The following ZHX2 variants were observed in gnomAD, a reference collection of about 807,000 sequenced individuals.
ZHX2 encodes zinc fingers and homeoboxes 2.
ZHX2 carries 6 observed loss-of-function variants against 21.9 expected under a neutral mutation model. That is an observed-to-expected ratio of 0.27 (90% confidence interval 0.15 to 0.54). The LOEUF is 0.54. Among genes scored for constraint, ZHX2 ranks in the 20% least tolerant of loss-of-function variants. ZHX2 has a pLI of 0.95. For missense variants in ZHX2, 908 were observed against 1,090.7 expected (o/e 0.83, Z 2.36); for synonymous variants, 434 against 437.1 (o/e 0.99, Z 0.09).
chr8:122,835,624 G>A (rs1009373851), intron 1 of ZHX2, among the ~76,000 whole-genome samples: 1 of 152,186 alleles, frequency 6.6e-6, no homozygotes, highest in Non-Finnish European at 1.5e-5. Context: ...AAGAGGTAAG[G>A]GCTGGGAGGG....
At chr8:122,859,369 T>A (rs1165492737) in intron 1 of ZHX2, among the ~76,000 whole-genome samples, 2 of 152,190 alleles carry the variant, frequency 1.3e-5, no homozygotes, top group African/African-American at 4.8e-5. Flanking sequence ...TTGAGGATAA[T>A]AATGGGTATT....
At chr8:122,845,947 C>A (rs1342375407) in intron 1 of ZHX2, among the ~76,000 whole-genome samples, 1 of 152,168 alleles carries the variant, frequency 6.6e-6, no homozygotes, top group African/African-American at 2.4e-5. Context: ...GAGAGCGCTG[C>A]GACCTGATCC....
In ZHX2 at chr8:122,847,022, ATGT is replaced by A. The variant is rs768761590; in HGVS notation, c.-282-16447_-282-16445del. ...GGGCCTGCAATATGAATGTTAGCTG[ATGT>A]TGTTGTTATTGCGATTAGCCTCCAG... On this transcript the variant is annotated intron_variant, in intron 1 of 3. Coordinates refer to ENST00000314393, the MANE Select transcript of ZHX2 (RefSeq NM_014943.5). 8.5e-5 allele frequency among the ~76,000 whole-genome samples: 13 copies of A among 152,248 alleles called. No individual in the cohort carries two copies. In the East Asian group the frequency reaches 1.2e-3, roughly 14 times the overall value.
chr8:122,820,115 A>AT (rs369915130), intron 1 of ZHX2, among the ~76,000 whole-genome samples: 3 of 151,450 alleles, frequency 2.0e-5, no homozygotes, highest in Non-Finnish European at 2.9e-5. Flanking sequence ...GCAAGAATAC[A>AT]TTTTTTTTTC....
intron 2 of ZHX2, among the ~76,000 whole-genome samples, chr8:122,902,894 T>C (rs551217563): frequency 6.6e-6 from 1 of 152,294 alleles, no homozygotes; most frequent in African/African-American, 2.4e-5. Context: ...TTTGGGTCAG[T>C]TCCCTAACTG....
chr8:122,946,991 C>A (rs183817836), intron 2 of ZHX2, among the ~76,000 whole-genome samples: 1 of 150,492 alleles, frequency 6.6e-6, no homozygotes, highest in Admixed American at 6.7e-5. Flanking sequence ...TGTGGTGGCT[C>A]ACACCTGTAA....
At position 122,828,755 on chromosome 8, in the gene ZHX2, G is replaced by T. The variant is rs1586591709; in HGVS notation, c.-282-34722G>T. Among the ~76,000 whole-genome samples the T allele has an allele frequency of 3.9e-5, 6 of 152,304 alleles. No individual in the cohort carries two copies. In the South Asian group the frequency reaches 1.2e-3, roughly 32 times the overall value. On this transcript the variant is annotated intron_variant, in intron 1 of 3. Coordinates refer to ENST00000314393, the MANE Select transcript of ZHX2 (RefSeq NM_014943.5). This position sits in a 1 kb window ranked among gnomAD's most constrained non-coding sequence, Gnocchi z 5.2. ...GGGCTGATGGATCGTGCCTGCAAAG[G>T]GGTTCTTGGAAGGCTCATTCTAGGT...
At chr8:122,843,246 G>T (rs532502215) in intron 1 of ZHX2, among the ~76,000 whole-genome samples, 76 of 152,308 alleles carry the variant, frequency 5.0e-4, no homozygotes, top group Middle Eastern at 3.4e-3. Flanking sequence ...TACGGAGCTT[G>T]GTGATTCAAA....
rs187273553 is a variant in ZHX2, at chr8:122,890,185, G to A, written c.-220+26646G>A. On this transcript the variant is annotated intron_variant, in intron 2 of 3. Transcript: ENST00000314393. ...TCATTCTTCTGTGCGTGGATATTCA[G>A]TTTTCCCAGCGCCATTTATTGAAGA... 1.4e-4 allele frequency among the ~76,000 whole-genome samples: 21 copies of A among 152,172 alleles called. No individual in the cohort carries two copies. In the East Asian group the frequency reaches 4.1e-3, roughly 29 times the overall value.
chr8:122,936,240 A>G (rs896683066), intron 2 of ZHX2, among the ~76,000 whole-genome samples: 3 of 152,228 alleles, frequency 2.0e-5, no homozygotes, highest in African/African-American at 7.2e-5. Flanking sequence ...TGTTGAAGAC[A>G]GGGATGACGT....
chr8:122,943,261 CA>C (rs1339100479), intron 2 of ZHX2, among the ~76,000 whole-genome samples: 9 of 146,670 alleles, frequency 6.1e-5, no homozygotes, highest in Admixed American at 2.7e-4. Context: ...AACTCCATCT[CA>C]AAAAAAAAAT....
chr8:122,968,084 G>A (rs185000183), intron 3 of ZHX2, among the ~76,000 whole-genome samples: 1 of 152,206 alleles, frequency 6.6e-6, no homozygotes, highest in African/African-American at 2.4e-5. Flanking sequence ...GAGGTAAAAA[G>A]TGGTGGAGCT....
At chr8:122,853,243 C>G (rs1360608662) in intron 1 of ZHX2, among the ~76,000 whole-genome samples, 1 of 152,164 alleles carries the variant, frequency 6.6e-6, no homozygotes, top group Non-Finnish European at 1.5e-5. Context: ...TGATTGGGAG[C>G]ATTCTATGTG....
chr8:122,802,273 A>G (rs7003236), intron 1 of ZHX2, among the ~76,000 whole-genome samples: 93,709 of 151,944 alleles, frequency 0.62, 28,952 homozygotes, highest in African/African-American at 0.66. Flanking sequence ...ATATTGGCCA[A>G]GCTGGTCTCG....
chr8:122,800,156 TAA>T (rs1298334426), intron 1 of ZHX2, among the ~76,000 whole-genome samples: 3 of 152,188 alleles, frequency 2.0e-5, no homozygotes, highest in Non-Finnish European at 2.9e-5. Context: ...GCGCCTGGCC[TAA>T]ATTTATTTTT....
At chr8:122,885,686 A>T (rs774710530) in intron 2 of ZHX2, among the ~76,000 whole-genome samples, 3 of 152,160 alleles carry the variant, frequency 2.0e-5, no homozygotes, top group African/African-American at 4.8e-5. Context: ...TGGGTGAAGG[A>T]TTTTAGCATG....
chr8:122,962,043 A>G (rs1161328423), intron 3 of ZHX2, among the ~76,000 whole-genome samples: 4 of 152,142 alleles, frequency 2.6e-5, no homozygotes, highest in East Asian at 1.9e-4. Flanking sequence ...GGGCTGTGAC[A>G]CAGGGTAGCA....
At chr8:122,972,256 G>C (rs926663582) in intron 3 of ZHX2, among the ~76,000 whole-genome samples, 1 of 152,008 alleles carries the variant, frequency 6.6e-6, no homozygotes, top group Non-Finnish European at 1.5e-5. Flanking sequence ...TTTCTAATAG[G>C]GTAACATTCT....
At chr8:122,825,318 G>C (rs1818241175) in intron 1 of ZHX2, among the ~76,000 whole-genome samples, 2 of 152,130 alleles carry the variant, frequency 1.3e-5, no homozygotes, top group Non-Finnish European at 1.5e-5. Context: ...AGCTGGCTTA[G>C]TGCCTGGCTG....
Sources: allele counts gnomAD v4.1 joint callset (sites outside exome capture counted in the v4.1 genomes callset), GRCh38; gene constraint gnomAD v4.1.1; non-coding constraint Gnocchi (gnomAD v3.1); transcripts MANE v1.5; gene names NCBI Gene and HGNC (gene_info 2026-07-23, HGNC 2026-07-21).